Variants in TMEM181 observed in about 807,000 individuals in gnomAD.
TMEM181 encodes transmembrane protein 181, also known as G protein-coupled receptor 178.
A neutral mutation model predicts 71.9 loss-of-function variants in TMEM181; 39 were observed. That is an observed-to-expected ratio of 0.54 (90% CI 0.42 to 0.71). The LOEUF (loss-of-function observed/expected upper bound fraction) is 0.71, where lower values mean the gene tolerates loss of function less well. Among genes scored for constraint, TMEM181 ranks in the 30% least tolerant of loss-of-function variants. The probability of loss-of-function intolerance (pLI) is 0.00; values close to 1 mark genes in which losing one functional copy is unlikely to be tolerated. For synonymous variants in TMEM181, 245 were observed against 228.8 expected, an observed-to-expected ratio of 1.07 and a Z score of -0.64; for missense variants, 595 against 583.0, an observed-to-expected ratio of 1.02 and a Z score of -0.21.
intron 2 of TMEM181, among the ~76,000 whole-genome samples, chr6:158,576,986 C>T (rs866829179): frequency 6.7e-6 from 1 of 148,382 alleles, no homozygotes; most frequent in Non-Finnish European, 1.5e-5. Context: ...GGTGTGAACC[C>T]GGGAGGTAGA....
chr6:158,540,863 A>T (rs1582909289), intron 1 of TMEM181, among the ~76,000 whole-genome samples: 1 of 150,288 alleles, frequency 6.7e-6, no homozygotes, highest in South Asian at 2.1e-4. Context: ...GACCTCCTCG[A>T]CTCCTCTCCC....
chr6:158,556,536 A>G (rs1237025631), upstream of TMEM181, among the ~76,000 whole-genome samples: 1 of 152,176 alleles, frequency 6.6e-6, no homozygotes, highest in Non-Finnish European at 1.5e-5. Context: ...GGATTACATA[A>G]TTGTTTTGAG....
In TMEM181 at chr6:158,608,728, G is replaced by A. The variant is rs753090759; in HGVS notation, c.874G>A (p.Val292Ile). 2.5e-6 allele frequency: 4 copies of A among 1,613,358 alleles called. No individual in the cohort carries two copies. The highest frequency in any genetic ancestry group is 2.2e-5 in the South Asian group (2 of 90,716). The change falls in exon 10 of 17, where the codon GTT becomes ATT. Residue 292 changes from valine to isoleucine, a missense_variant. Val to Ile is a conservative substitution (Grantham distance 29). Coordinates refer to ENST00000684151, the MANE Select transcript of TMEM181 (RefSeq NM_001376852.1). ...TGTTGGACTATTGTGGTTGGCTTCTGTTACGCTAGGAATATGGCAAACGTG... is the reference window on the plus strand; with the variant it reads ...TGTTGGACTATTGTGGTTGGCTTCTATTACGCTAGGAATATGGCAAACGTG... ...FIVGLLWLAS[V>I]TLGIWQTVNE...
intron 13 of TMEM181, 50 bp downstream of exon 13, chr6:158,625,804 CTG>C: frequency 6.6e-7 from 1 of 1,519,038 alleles, no homozygotes; most frequent in Non-Finnish European, 9.1e-7. Flanking sequence ...TTTTCTTTTA[CTG>C]TCAGGAATAT....
At chr6:158,589,273 A>G (rs894596474) in intron 5 of TMEM181, among the ~76,000 whole-genome samples, 13 of 152,224 alleles carry the variant, frequency 8.5e-5, no homozygotes, top group Admixed American at 5.2e-4. Context: ...TATTATAACA[A>G]TCGCAAAATT....
intron 16 of TMEM181, 129 bp from the exon 17 acceptor site, chr6:158,631,681 C>A: frequency 1.9e-6 from 2 of 1,046,464 alleles, no homozygotes; most frequent in Non-Finnish European, 2.8e-6. Context: ...TGAGCAGTAG[C>A]AGTTGGTGAT....
rs1173054823 is a variant in TMEM181, at chr6:158,621,383, C to T, written c.897-2167C>T. 1.5e-5 allele frequency: 3 copies of T among 202,238 alleles called. No homozygotes were observed. In the South Asian group the frequency reaches 3.2e-4, roughly 22 times the overall value. 12.5% of individuals were successfully genotyped at this position (202,238 alleles called of 1,614,324 possible). A position where few individuals can be genotyped will look rare whatever the true frequency, so the allele number is the denominator to read the frequency against. ...TTTGTCCAAGATGAAGGTGCTCCTGCTCTGTCAAGGAGGAGGAGTTACTTC... is the reference window on the plus strand; with the variant it reads ...TTTGTCCAAGATGAAGGTGCTCCTGTTCTGTCAAGGAGGAGGAGTTACTTC... On this transcript the variant is annotated intron_variant, in intron 10 of 16. Coordinates refer to ENST00000684151, the MANE Select transcript of TMEM181 (RefSeq NM_001376852.1).
At chr6:158,550,834 T>C (rs1781696983) in intron 1 of TMEM181, among the ~76,000 whole-genome samples, 2 of 148,424 alleles carry the variant, frequency 1.3e-5, no homozygotes, top group African/African-American at 5.0e-5. Context: ...CTACCATTTA[T>C]AGTTTTTATA....
chr6:158,541,047 A>G (rs1257800833), intron 1 of TMEM181, among the ~76,000 whole-genome samples: 1 of 152,188 alleles, frequency 6.6e-6, no homozygotes, highest in Non-Finnish European at 1.5e-5. Flanking sequence ...CCCAGGTCCC[A>G]TCCTTGAGGA....
intron 6 of TMEM181, among the ~76,000 whole-genome samples, chr6:158,591,644 T>A (rs1784116636): frequency 6.6e-6 from 1 of 152,070 alleles, no homozygotes; most frequent in Admixed American, 6.6e-5. Flanking sequence ...TCATCTGTGC[T>A]TTAGACTTTG....
intron 1 of TMEM181, among the ~76,000 whole-genome samples, chr6:158,538,981 G>A (rs756481282): frequency 1.3e-5 from 2 of 152,236 alleles, no homozygotes; most frequent in African/African-American, 2.4e-5. Context: ...AGCCTTGAAG[G>A]TCAGACTAAG....
At chr6:158,599,482 G>T (rs1442413589) in intron 6 of TMEM181, among the ~76,000 whole-genome samples, 1 of 152,220 alleles carries the variant, frequency 6.6e-6, no homozygotes, top group African/African-American at 2.4e-5. Context: ...CTAAGCCGGA[G>T]TATTTTCTGG....
intron 10 of TMEM181, among the ~76,000 whole-genome samples, chr6:158,618,293 A>T (rs1287249214): frequency 1.4e-5 from 2 of 147,646 alleles, no homozygotes; most frequent in Non-Finnish European, 3.0e-5. Flanking sequence ...AGAGACTAGG[A>T]TTGCAACCCC....
intron 1 of TMEM181, among the ~76,000 whole-genome samples, chr6:158,552,159 T>C (rs560413156): frequency 6.6e-6 from 1 of 152,194 alleles, no homozygotes; most frequent in Non-Finnish European, 1.5e-5. Context: ...TCCTGAGTAA[T>C]CAAAAATCGA....
chr6:158,545,334 C>T (rs2033971), intron 1 of TMEM181, among the ~76,000 whole-genome samples: 1 of 152,204 alleles, frequency 6.6e-6, no homozygotes. Flanking sequence ...AGAATCATCA[C>T]GTGCCTGGGA....
At chr6:158,544,165 AG>A (rs1562611844) in intron 1 of TMEM181, among the ~76,000 whole-genome samples, 1 of 110,216 alleles carries the variant, frequency 9.1e-6, no homozygotes, top group Non-Finnish European at 2.0e-5. Context: ...GAGGTTTCTC[AG>A]GTGCAAATTG....
rs1011923328 is a variant in TMEM181, at chr6:158,536,696, G to A, written c.-39G>A. ...AGGGGGCGCAGGCGGCGACACAAAG[G>A]GTGGAGCGGCGGGACCGGGACCCGG... On this transcript the variant is annotated 5_prime_UTR_variant, in exon 1 of 17. Transcript: ENST00000367090. 6 of 1,554,518 alleles carry A rather than the reference G, an allele frequency of 3.9e-6. No individual in the cohort carries two copies. In the East Asian group the frequency reaches 7.4e-5, roughly 19 times the overall value.
chr6:158,609,058 A>G (rs996636460), intron 10 of TMEM181, among the ~76,000 whole-genome samples: 2 of 151,550 alleles, frequency 1.3e-5, no homozygotes, highest in African/African-American at 2.4e-5. Context: ...AGATTGCACC[A>G]CTGCACTCCA....
chr6:158,581,333 G>A (rs1783458496), intron 3 of TMEM181, among the ~76,000 whole-genome samples: 1 of 152,200 alleles, frequency 6.6e-6, no homozygotes, highest in Non-Finnish European at 1.5e-5. Flanking sequence ...CCACTTAGGT[G>A]TCTCATCTTA....
Sources: gnomAD v4.1 joint callset for allele counts (sites outside exome capture counted in the v4.1 genomes callset) on GRCh38, gnomAD v4.1.1 for gene constraint, MANE v1.5 for transcripts, NCBI Gene and HGNC (gene_info 2026-07-23, HGNC 2026-07-21) for gene names.